AKR1D1: variants seen among roughly 807,000 people sequenced by gnomAD.
AKR1D1 encodes aldo-keto reductase family 1 member D1, also known as delta(4)-3-ketosteroid 5-beta-reductase.
AKR1D1 carries 32 observed loss-of-function variants against 42.6 expected under a neutral mutation model. The ratio of observed to expected loss-of-function variants is 0.75; its 90% CI spans 0.57 to 1.01. The LOEUF (loss-of-function observed/expected upper bound fraction) is 1.01, where lower values mean the gene tolerates loss of function less well. AKR1D1 is among the 50% of genes least tolerant of loss of function. The probability of loss-of-function intolerance (pLI) is 0.00; values close to 1 mark genes in which losing one functional copy is unlikely to be tolerated. For missense variants in AKR1D1, 364 were observed against 402.2 expected, an observed-to-expected ratio of 0.91 and a Z score of 0.81; for synonymous variants, 123 against 135.5, an observed-to-expected ratio of 0.91 and a Z score of 0.64.
At chr7:138,078,702 A>T (rs767769222) in intron 1 of AKR1D1, among the ~76,000 whole-genome samples, 4 of 152,220 alleles carry the variant, frequency 2.6e-5, no homozygotes, top group Non-Finnish European at 4.4e-5. Flanking sequence ...GAAAGAAATG[A>T]TGAGGAAGTC....
intron 7 of AKR1D1, 99 bp downstream of exon 7, chr7:138,107,679 C>T: frequency 7.8e-7 from 1 of 1,285,512 alleles, no homozygotes; most frequent in South Asian, 1.2e-5. Context: ...GTAACACTCT[C>T]ATATTTTATT....
In AKR1D1 at chr7:138,085,375, C is replaced by T. The variant is rs142611497; in HGVS notation, c.94-3226C>T. Among the ~76,000 whole-genome samples, 935 of 151,928 alleles carry T rather than the reference C, an allele frequency of 6.2e-3. 8 individuals carry two copies. The highest frequency in any genetic ancestry group is 0.017 in the Middle Eastern group (5 of 292). ...TTAAATGAGTCATCATCCAAATATACAGCACCATGGTGGACTACACTCCTA... is the reference window on the plus strand; with the variant it reads ...TTAAATGAGTCATCATCCAAATATATAGCACCATGGTGGACTACACTCCTA... On this transcript the variant is annotated intron_variant, in intron 1 of 8. Coordinates refer to ENST00000242375, the MANE Select transcript of AKR1D1 (RefSeq NM_005989.4).
chr7:138,100,197 T>C (rs936701540), intron 4 of AKR1D1, among the ~76,000 whole-genome samples: 4 of 122,118 alleles, frequency 3.3e-5, no homozygotes, highest in African/African-American at 1.2e-4. Flanking sequence ...ACAAAAATAA[T>C]CAATCCAAGA....
At chr7:138,087,119 C>T (rs1296463226) in intron 1 of AKR1D1, among the ~76,000 whole-genome samples, 1 of 152,140 alleles carries the variant, frequency 6.6e-6, no homozygotes, top group Non-Finnish European at 1.5e-5. Context: ...TTCTGGAGGC[C>T]GCAAAGTCCA....
At chr7:138,111,875 A>ATCCTCTATTTC (rs1794543592) in intron 7 of AKR1D1, among the ~76,000 whole-genome samples, 1 of 152,236 alleles carries the variant, frequency 6.6e-6, no homozygotes, top group Non-Finnish European at 1.5e-5. Context: ...TACATACCAC[A>ATCCTCTATTTC]ACATGACATC....
intron 4 of AKR1D1, among the ~76,000 whole-genome samples, chr7:138,101,939 G>A (rs1794326931): frequency 6.6e-6 from 1 of 152,186 alleles, no homozygotes; most frequent in African/African-American, 2.4e-5. Context: ...GCCTGGAGCA[G>A]TGGATTATGC....
chr7:138,107,289 T>C (rs755842812), intron 6 of AKR1D1, 126 bp from the exon 7 acceptor site: 7 of 983,482 alleles, frequency 7.1e-6, no homozygotes, highest in Admixed American at 5.1e-5. Flanking sequence ...AGAAACTGGT[T>C]ACAGGTGACC....
intron 3 of AKR1D1, among the ~76,000 whole-genome samples, chr7:138,093,872 T>C (rs1392161219): frequency 2.0e-5 from 3 of 152,208 alleles, no homozygotes; most frequent in Admixed American, 6.5e-5. Flanking sequence ...ACAAACATGA[T>C]GTCACTAGGT....
intron 1 of AKR1D1, among the ~76,000 whole-genome samples, chr7:138,087,888 C>CTTTTTTTTTTTTTTTTTTTT: frequency 6.8e-6 from 1 of 146,480 alleles, no homozygotes; most frequent in African/African-American, 2.6e-5. Context: ...TGCTACATTT[C>CTTTTTTTTTTTTTTTTTTTT]TTTTCTTTTT....
intron 1 of AKR1D1, among the ~76,000 whole-genome samples, chr7:138,087,794 CTAAAG>C (rs1034326640): frequency 5.3e-5 from 8 of 152,134 alleles, no homozygotes; most frequent in African/African-American, 1.7e-4. Context: ...AAGAGAAAAA[CTAAAG>C]TATTTATTCT....
At chr7:138,086,220 T>C (rs1157777913) in intron 1 of AKR1D1, among the ~76,000 whole-genome samples, 1 of 152,112 alleles carries the variant, frequency 6.6e-6, no homozygotes, top group Non-Finnish European at 1.5e-5. Context: ...ATGATAATAA[T>C]GTAGATACTT....
At position 138,116,832 on chromosome 7, in the gene AKR1D1, A is replaced by C; in HGVS notation, c.*170A>C. The C allele has an allele frequency of 1.7e-6, 1 of 576,010 alleles. No homozygotes were observed. The highest frequency in any genetic ancestry group is 3.0e-6 in the Non-Finnish European group (1 of 335,058). 35.7% of individuals were successfully genotyped at this position (576,010 alleles called of 1,614,324 possible). On this transcript the variant is annotated 3_prime_UTR_variant, in exon 9 of 9. Coordinates refer to ENST00000242375, the MANE Select transcript of AKR1D1 (RefSeq NM_005989.4). ...GTGTAAATGACTTTGACTCAGTCAC[A>C]TTGAAGTAAAAATATTAAAATCTGT... is the stretch of plus-strand genomic sequence containing the variant.
intron 7 of AKR1D1, among the ~76,000 whole-genome samples, chr7:138,112,044 A>G (rs1379370696): frequency 6.6e-6 from 1 of 151,956 alleles, no homozygotes; most frequent in Non-Finnish European, 1.5e-5. Context: ...ACTGTGCAGG[A>G]TTCTTCTTTG....
chr7:138,117,806 T>G lies in AKR1D1; in HGVS notation c.*1144T>G, dbSNP rs1359767729. On this transcript the variant is annotated 3_prime_UTR_variant, in exon 9 of 9. Transcript: ENST00000242375. ...AGGCCAAGGTGGGCAGATCAGGAGG[T>G]CAGGAGATCGAGACCATCTTGGCTA... 1 of 151,896 alleles carries G rather than the reference T, an allele frequency of 6.6e-6. No homozygotes were observed. Among genetic ancestry groups the G allele is most frequent in the African/African-American group, 2.4e-5 (1 of 41,324 alleles). The allele number at this position is 151,896 out of a possible 1,614,324, so 9.4% of individuals were successfully genotyped here.
intron 1 of AKR1D1, among the ~76,000 whole-genome samples, chr7:138,082,833 G>A (rs917830886): frequency 3.9e-4 from 59 of 152,272 alleles, no homozygotes; most frequent in Non-Finnish European, 2.5e-4. Context: ...GTGTACTGCA[G>A]AATTTCCTTC....
At chr7:138,116,471 A>AG in intron 8 of AKR1D1, 149 bp from the exon 9 acceptor site, 2 of 928,354 alleles carry the variant, frequency 2.2e-6, no homozygotes, top group Non-Finnish European at 3.5e-6. Context: ...GCTTGAGGGA[A>AG]AACAGAAGAG....
At chr7:138,092,087 T>C (rs1044618807) in intron 3 of AKR1D1, among the ~76,000 whole-genome samples, 1 of 152,230 alleles carries the variant, frequency 6.6e-6, no homozygotes, top group Admixed American at 6.5e-5. Context: ...CACCACAGAA[T>C]ATTGTGGTGT....
At chr7:138,109,720 AC>A (rs1794501394) in intron 7 of AKR1D1, among the ~76,000 whole-genome samples, 1 of 152,192 alleles carries the variant, frequency 6.6e-6, no homozygotes, top group Non-Finnish European at 1.5e-5. Flanking sequence ...AAAGTGGTTG[AC>A]ACTCTTTTCC....
intron 3 of AKR1D1, among the ~76,000 whole-genome samples, chr7:138,095,448 A>C (rs1423421421): frequency 1.3e-5 from 2 of 152,260 alleles, no homozygotes; most frequent in African/African-American, 4.8e-5. Flanking sequence ...GACAATGGGG[A>C]AAATGTTTTC....
Sources: gnomAD v4.1 joint callset for allele counts (sites outside exome capture counted in the v4.1 genomes callset) on GRCh38, gnomAD v4.1.1 for gene constraint, MANE v1.5 for transcripts, NCBI Gene and HGNC (gene_info 2026-07-23, HGNC 2026-07-21) for gene names.